Variants in RALGPS1 observed in about 807,000 individuals in gnomAD.
The protein encoded by RALGPS1 is Ral GEF with PH domain and SH3 binding motif 1, also known as ras-specific guanine nucleotide-releasing factor RalGPS1.
In RALGPS1, 19 loss-of-function variants were observed where a neutral mutation model predicts 78.8. That is an observed-to-expected ratio of 0.24 (90% confidence interval 0.17 to 0.35). The LOEUF (loss-of-function observed/expected upper bound fraction) is 0.35. RALGPS1 is among the 10% of genes least tolerant of loss of function. RALGPS1 has a pLI of 1.00. For missense variants in RALGPS1, 454 were observed against 688.3 expected, an observed-to-expected ratio of 0.66 and a Z score of 3.81; for synonymous variants, 228 against 256.3, an observed-to-expected ratio of 0.89 and a Z score of 1.06.
At chr9:127,130,429 G>A (rs537603521) in intron 8 of RALGPS1, among the ~76,000 whole-genome samples, 103 of 152,196 alleles carry the variant, frequency 6.8e-4, no homozygotes, top group Non-Finnish European at 1.2e-3. Context: ...GTATCTCTCC[G>A]GACAGCTTTC....
At chr9:127,014,019 T>C (rs1459648305) in intron 4 of RALGPS1, among the ~76,000 whole-genome samples, 2 of 152,252 alleles carry the variant, frequency 1.3e-5, no homozygotes, top group Non-Finnish European at 2.9e-5. Flanking sequence ...TTGTCACTGC[T>C]GTGTCCTCCT....
At chr9:126,953,388 T>C (rs1042416320) in intron 1 of RALGPS1, among the ~76,000 whole-genome samples, 3 of 151,888 alleles carry the variant, frequency 2.0e-5, no homozygotes, top group Admixed American at 1.3e-4. Flanking sequence ...TGTGTGTGTG[T>C]GTGCGCGTGT....
intron 8 of RALGPS1, among the ~76,000 whole-genome samples, chr9:127,094,763 C>T (rs1367418236): frequency 1.3e-5 from 2 of 152,214 alleles, no homozygotes; most frequent in Non-Finnish European, 2.9e-5. Context: ...GTCCAGGATA[C>T]AGCCCAATCC....
chr9:126,987,069 T>C (rs901007866), intron 4 of RALGPS1, among the ~76,000 whole-genome samples: 1 of 152,154 alleles, frequency 6.6e-6, no homozygotes, highest in Non-Finnish European at 1.5e-5. Flanking sequence ...GCTCAGAATA[T>C]TCAGATGATG....
chr9:126,916,464 C>T (rs1026069163), intron 1 of RALGPS1, among the ~76,000 whole-genome samples: 1 of 152,166 alleles, frequency 6.6e-6, no homozygotes, highest in Non-Finnish European at 1.5e-5. Flanking sequence ...TGCCCCCATC[C>T]AAGTACAGAC....
chr9:127,187,346 C>T (rs975127351), intron 11 of RALGPS1, among the ~76,000 whole-genome samples: 5 of 152,176 alleles, frequency 3.3e-5, no homozygotes, highest in African/African-American at 9.7e-5. Context: ...TTCTGACCAG[C>T]GCCTGACCTC....
intron 8 of RALGPS1, among the ~76,000 whole-genome samples, chr9:127,090,073 A>G (rs2052282433): frequency 6.6e-6 from 1 of 152,044 alleles, no homozygotes; most frequent in South Asian, 2.1e-4. Flanking sequence ...GTTTTCCCAG[A>G]GTTTTTCTGG....
At position 127,139,310 on chromosome 9, in the gene RALGPS1, G is replaced by C. The variant is rs77202720; in HGVS notation, c.611-26759G>C. On this transcript the variant is annotated intron_variant, in intron 8 of 18. Transcript: ENST00000259351. ...GACTAGTGAGGCTTCAGGAAGTTGT[G>C]AGTGCCAGGTCCGAGGCAGACTCCC... Among the ~76,000 whole-genome samples the C allele has an allele frequency of 5.5e-3, 842 of 152,320 alleles. 6 individuals carry two copies. Among genetic ancestry groups the C allele is most frequent in the African/African-American group, 0.019 (804 of 41,556 alleles).
At chr9:127,083,952 C>T (rs1203321273) in intron 8 of RALGPS1, among the ~76,000 whole-genome samples, 5 of 151,480 alleles carry the variant, frequency 3.3e-5, no homozygotes, top group African/African-American at 1.2e-4. Context: ...TTTTTTTGCC[C>T]AGGCCTGGAG....
At chr9:126,926,838 C>G (rs943858623) in intron 1 of RALGPS1, among the ~76,000 whole-genome samples, 1 of 152,058 alleles carries the variant, frequency 6.6e-6, no homozygotes, top group Admixed American at 6.6e-5. Context: ...ATGTAGAGGC[C>G]TCTCCTACTT....
rs567211369 is a variant in RALGPS1 at position 126,949,672 on chromosome 9, C to T, written c.-65-12553C>T. Among the ~76,000 whole-genome samples, 15 of 151,342 alleles carry T rather than the reference C, an allele frequency of 9.9e-5. No homozygotes were observed. In the South Asian group the frequency reaches 2.3e-3, roughly 23 times the overall value. ...TTTTGATGGGGTTGTTTGTTTTTTT[C>T]GTGTAAATTTGTCTGAGTTCATTGT... On this transcript the variant is annotated intron_variant, in intron 1 of 18. Transcript: ENST00000259351.
At chr9:126,932,301 C>T (rs563102819) in intron 1 of RALGPS1, among the ~76,000 whole-genome samples, 31 of 152,300 alleles carry the variant, frequency 2.0e-4, no homozygotes, top group African/African-American at 6.3e-4. Context: ...GAGAATAAAT[C>T]GGTCTATCCA....
intron 8 of RALGPS1, among the ~76,000 whole-genome samples, chr9:127,164,218 T>C (rs952251289): frequency 6.6e-6 from 1 of 152,160 alleles, no homozygotes; most frequent in Non-Finnish European, 1.5e-5. Flanking sequence ...TATATTTTCA[T>C]TTATAGAAAA....
At chr9:127,109,836 A>G (rs1386310855) in intron 8 of RALGPS1, among the ~76,000 whole-genome samples, 1 of 152,170 alleles carries the variant, frequency 6.6e-6, no homozygotes. Flanking sequence ...ATTGACCTAG[A>G]GGGTCAGGAA....
chr9:127,080,360 T>C (rs2051064001), intron 8 of RALGPS1, among the ~76,000 whole-genome samples: 1 of 152,236 alleles, frequency 6.6e-6, no homozygotes, highest in South Asian at 2.1e-4. Context: ...TTATTCACAC[T>C]GAAAAGAAGT....
At position 127,134,009 on chromosome 9, in the gene RALGPS1, C is replaced by CG. The variant is rs200935825; in HGVS notation, c.611-32060_611-32059insG. 2.4e-3 allele frequency among the ~76,000 whole-genome samples: 363 copies of CG among 151,788 alleles called. 3 individuals are homozygous for CG. The highest frequency in any genetic ancestry group is 8.3e-3 in the African/African-American group (343 of 41,390). On this transcript the variant is annotated intron_variant, in intron 8 of 18. Coordinates refer to ENST00000259351, the MANE Select transcript of RALGPS1 (RefSeq NM_014636.3). ...TAGTAAATGCTCTTGTCCTCGCTCC[C>CG]CCCCCCGTGAATGCTGTGATTCAGC...
intron 8 of RALGPS1, among the ~76,000 whole-genome samples, chr9:127,099,488 C>T (rs780221834): frequency 1.3e-5 from 2 of 152,184 alleles, no homozygotes; most frequent in Non-Finnish European, 2.9e-5. Flanking sequence ...CTGAGTGCCA[C>T]GGCACGTGGC....
At chr9:127,180,881 G>A (rs2060172455) in intron 11 of RALGPS1, among the ~76,000 whole-genome samples, 1 of 152,254 alleles carries the variant, frequency 6.6e-6, no homozygotes, top group African/African-American at 2.4e-5. Context: ...CTGCCAGATG[G>A]GGCTTGAGCT....
intron 14 of RALGPS1, among the ~76,000 whole-genome samples, chr9:127,207,251 C>T (rs1157455497): frequency 3.9e-5 from 6 of 152,134 alleles, no homozygotes; most frequent in Non-Finnish European, 7.3e-5. Context: ...TTGTACACCC[C>T]TTGGGACTGA....
Sources: allele counts gnomAD v4.1 joint callset (sites outside exome capture counted in the v4.1 genomes callset), GRCh38; gene constraint gnomAD v4.1.1; transcripts MANE v1.5; gene names NCBI Gene and HGNC (gene_info 2026-07-23, HGNC 2026-07-21).